C1orf174: variants seen among roughly 807,000 people sequenced by gnomAD.
C1orf174 encodes the protein UPF0688 protein C1orf174.
C1orf174 carries 13 observed loss-of-function variants against 18.4 expected under a neutral mutation model. That is an observed-to-expected ratio of 0.71 (90% confidence interval 0.46 to 1.12). The LOEUF (loss-of-function observed/expected upper bound fraction) is 1.12, where lower values mean the gene tolerates loss of function less well. Ranked by LOEUF, C1orf174 falls within the 50% of genes most tolerant of loss-of-function variation. The pLI is 0.00. For synonymous variants in C1orf174, 100 were observed against 118.3 expected, an observed-to-expected ratio of 0.85 and a Z score of 1.01; for missense variants, 309 against 308.0, an observed-to-expected ratio of 1.00 and a Z score of -0.02.
intron 3 of C1orf174, 135 bp downstream of exon 3, chr1:3,890,434 T>C: frequency 7.9e-7 from 1 of 1,270,084 alleles, no homozygotes; most frequent in Non-Finnish European, 1.1e-6. Context: ...CATTTTCTCC[T>C]CGTGGGTTAA....
In C1orf174 at chr1:3,889,807, T is replaced by C. The variant is rs188725789; in HGVS notation, c.*153A>G. 3.9e-5 allele frequency: 28 copies of C among 719,938 alleles called. No homozygotes were observed. Among genetic ancestry groups the C allele is most frequent in the African/African-American group, 3.3e-4 (19 of 57,064 alleles). 44.6% of individuals were successfully genotyped at this position (719,938 alleles called of 1,614,324 possible). A position where few individuals can be genotyped will look rare whatever the true frequency, so the allele number is the denominator to read the frequency against. ...CCCATGAGTACATCCTCCACAGGTA[T>C]TGGGTGCTTTGCACTATTGACTTAG... On this transcript the variant is annotated 3_prime_UTR_variant, in exon 4 of 4. Transcript: ENST00000361605.
intron 1 of C1orf174, among the ~76,000 whole-genome samples, chr1:3,898,178 T>C (rs6658198): frequency 0.71 from 108,346 of 152,088 alleles, 38,840 homozygotes; most frequent in African/African-American, 0.76. Context: ...CATGCTCAAA[T>C]AAACTTGTCA....
At chr1:3,893,557 A>G (rs192533359) in intron 1 of C1orf174, among the ~76,000 whole-genome samples, 11 of 152,358 alleles carry the variant, frequency 7.2e-5, no homozygotes, top group Non-Finnish European at 1.2e-4. Context: ...AACATTTAAA[A>G]TAACTATTTA....
intron 1 of C1orf174, chr1:3,895,796 T>C (rs1022129155): frequency 6.6e-6 from 1 of 152,262 alleles, no homozygotes; most frequent in African/African-American, 2.4e-5. Flanking sequence ...TTTCTCATCA[T>C]TGAGATTCTC....
intron 2 of C1orf174, 41 bp from the exon 3 acceptor site, chr1:3,891,098 G>C: frequency 6.4e-7 from 1 of 1,565,956 alleles, no homozygotes; most frequent in South Asian, 1.2e-5. Flanking sequence ...GACATATCTA[G>C]CAAATAAAAC....
intron 1 of C1orf174, among the ~76,000 whole-genome samples, chr1:3,898,430 C>T (rs12093013): frequency 0.23 from 34,616 of 151,978 alleles, 4,628 homozygotes; most frequent in African/African-American, 0.37. Context: ...ATCACTTGAA[C>T]CCGGGAGGCA....
intron 1 of C1orf174, among the ~76,000 whole-genome samples, chr1:3,898,536 A>G (rs1638648576): frequency 1.1e-5 from 1 of 94,648 alleles, no homozygotes; most frequent in Non-Finnish European, 2.2e-5. Flanking sequence ...AACAACAACA[A>G]CAACAACAAC....
chr1:3,891,928 G>A (rs1278078339), intron 2 of C1orf174: 2 of 367,406 alleles, frequency 5.4e-6, no homozygotes, highest in Non-Finnish European at 7.1e-6. Flanking sequence ...ACACACACAC[G>A]GGTGGGCGGG....
chr1:3,899,799 C>A (rs1195864578), intron 1 of C1orf174, among the ~76,000 whole-genome samples: 2 of 151,808 alleles, frequency 1.3e-5, no homozygotes, highest in Non-Finnish European at 2.9e-5. Flanking sequence ...CTCCCGAGGG[C>A]GTGGACCGGA....
In C1orf174 at chr1:3,889,138, T is replaced by G. The variant is rs1223062370; in HGVS notation, c.*822A>C. 2.0e-5 allele frequency: 3 copies of G among 152,246 alleles called. No homozygotes were observed. Among genetic ancestry groups the G allele is most frequent in the East Asian group, 3.8e-4 (2 of 5,204 alleles). The allele number at this position is 152,246 out of a possible 1,614,324, so 9.4% of individuals were successfully genotyped here. ...ACATACGACTGCTTTCAAAATATTTTCAAAATATATTTTATTTCTTTCTTA... is the reference window on the plus strand; with the variant it reads ...ACATACGACTGCTTTCAAAATATTTGCAAAATATATTTTATTTCTTTCTTA... On this transcript the variant is annotated 3_prime_UTR_variant, in exon 4 of 4. Coordinates refer to ENST00000361605, the MANE Select transcript of C1orf174 (RefSeq NM_207356.3).
In C1orf174 at chr1:3,890,777, T is replaced by A. The variant is rs755844866; in HGVS notation, c.410A>T (p.Asp137Val). 3 of 1,613,778 alleles carry A rather than the reference T, an allele frequency of 1.9e-6. No homozygotes were observed. The Admixed American group carries it at 5.0e-5, about 27-fold the overall frequency. ...VSDSRLAKTR[D>V]GLSVPKHSAG... ...ACTGTGTTTTGGCACGGACAGGCCA[T>A]CTCTAGTCTTTGCTAAGCGAGAGTC... Residue 137 changes from aspartate (D) to valine (V), a missense_variant, in exon 3 of 4, where the codon GAT (aspartate) becomes GTT (valine). Asp to Val is a radical substitution (Grantham distance 152, BLOSUM62 -3). Coordinates refer to ENST00000361605, the MANE Select transcript of C1orf174 (RefSeq NM_207356.3).
Position 3,900,270 on chromosome 1 carries a change from C to T in C1orf174, c.-84G>A. ...GCGACCCGGAGTCTGCAGAGCGCGC[C>T]GCGGCGGCGTCCGACGTCAGCACAG... On this transcript the variant is annotated 5_prime_UTR_variant, in exon 1 of 4. Coordinates refer to ENST00000361605, the MANE Select transcript of C1orf174 (RefSeq NM_207356.3). 7.0e-7 allele frequency: 1 copy of T among 1,438,024 alleles called. No individual in the cohort carries two copies. Among genetic ancestry groups the T allele is most frequent in the Non-Finnish European group, 9.1e-7 (1 of 1,104,908 alleles). The allele number at this position is 1,438,024 out of a possible 1,614,324, so 89.1% of individuals were successfully genotyped here.
chr1:3,893,148 T>C, intron 1 of C1orf174, 152 bp from the exon 2 acceptor site: 1 of 805,318 alleles, frequency 1.2e-6, no homozygotes, highest in South Asian at 1.8e-5. Flanking sequence ...CCCGAATGTG[T>C]AAATCCAAAT....
rs551735708 is a variant in C1orf174, at chr1:3,892,880, C to A, written c.129+3G>T. 6.2e-6 allele frequency: 10 copies of A among 1,614,036 alleles called. No homozygotes were observed. The South Asian group carries it at 1.1e-4, about 18-fold the overall frequency. ...TGGCGTTCTCCACGGTAACAGGGCT[C>A]ACCAGACATGCTGTCTTGGCAGACG... On this transcript the variant is annotated splice_donor_region_variant and intron_variant, in intron 2 of 3. Transcript: ENST00000361605.
At chr1:3,892,850 G>C in intron 2 of C1orf174, 33 bp downstream of exon 2, 1 of 1,609,912 alleles carries the variant, frequency 6.2e-7, no homozygotes, top group Non-Finnish European at 8.5e-7. Flanking sequence ...CTCGAGTCAG[G>C]ATCTTGGCGT....
chr1:3,895,479 G>GC (rs1179684961), intron 1 of C1orf174: 1 of 152,194 alleles, frequency 6.6e-6, no homozygotes. Context: ...GGACCTTTTG[G>GC]CCCCTTCTGC....
rs367965839 is a variant in C1orf174 at position 3,890,640 on chromosome 1, C to T, written c.547G>A (p.Val183Ile). The T allele has an allele frequency of 1.8e-5, 29 of 1,614,022 alleles. No individual in the cohort carries two copies. The highest frequency in any genetic ancestry group is 1.6e-4 in the African/African-American group (12 of 74,902). ...QKPPLQMDNS[V>I]FLDDDSNQPM... is the part of the protein sequence containing the mutation. The stretch of plus-strand genomic sequence containing the variant: ...TGATTGCTGTCGTCATCTAGAAAGA[C>T]GCTGTTGTCCATCTGAAGTGGTGGC... Residue 183 changes from valine to isoleucine, a missense_variant, in exon 3 of 4, where the codon GTC becomes ATC. Physicochemically the swap from Val to Ile is conservative, Grantham distance 29. Coordinates refer to ENST00000361605, the MANE Select transcript of C1orf174 (RefSeq NM_207356.3).
At chr1:3,893,365 A>T (rs1414910029) in intron 1 of C1orf174, among the ~76,000 whole-genome samples, 7 of 152,162 alleles carry the variant, frequency 4.6e-5, no homozygotes, top group South Asian at 2.1e-4. Flanking sequence ...CAAAGTTTTT[A>T]AAAAAAGGTA....
Position 3,891,012 on chromosome 1 carries a change from A to G in C1orf174, c.175T>C (p.Phe59Leu), listed in dbSNP as rs1292673837. Residue 59 changes from phenylalanine (F) to leucine (L), a missense_variant, in exon 3 of 4, where the codon TTC (phenylalanine) becomes CTC (leucine). Transcript: ENST00000361605. ...KATDTRTSKK[F>L]KCDKGHLVKS... The stretch of plus-strand genomic sequence containing the variant: ...ACAAGATGTCCTTTGTCACATTTGA[A>G]CTTCTTGGACGTTCGCGTGTCTGTG... 1.9e-6 allele frequency: 3 copies of G among 1,613,950 alleles called. No homozygotes were observed. Among genetic ancestry groups the G allele is most frequent in the East Asian group, 2.2e-5 (1 of 44,884 alleles).
Sources: gnomAD v4.1 joint callset for allele counts (sites outside exome capture counted in the v4.1 genomes callset) on GRCh38, gnomAD v4.1.1 for gene constraint, MANE v1.5 for transcripts, NCBI Gene and HGNC (gene_info 2026-07-23, HGNC 2026-07-21) for gene names.